BCR: variants seen among roughly 807,000 people sequenced by gnomAD.
The protein encoded by BCR is BCR activator of RhoGEF and GTPase, also known as breakpoint cluster region protein.
In BCR, 58 loss-of-function variants were observed where a neutral mutation model predicts 138.6. That is an observed-to-expected ratio of 0.42 (90% CI 0.34 to 0.52). BCR has a LOEUF of 0.52. Ranked by LOEUF, BCR falls within the 20% of genes least tolerant of loss-of-function variation. The pLI, the probability that BCR is intolerant of heterozygous loss-of-function variation, is 0.06. For missense variants in BCR, 1,599 were observed against 1,727.2 expected (o/e 0.93, Z 1.32); for synonymous variants, 786 against 730.1 (o/e 1.08, Z -1.23).
intron 4 of BCR, chr22:23,262,739 G>T: frequency 1.1e-6 from 1 of 877,698 alleles, no homozygotes; most frequent in South Asian, 5.1e-5. Context: ...GGGCGGAGAG[G>T]CGAAGAAGCT....
chr22:23,186,462 A>C (rs2072343479), intron 1 of BCR, among the ~76,000 whole-genome samples: 1 of 152,202 alleles, frequency 6.6e-6, no homozygotes, highest in Non-Finnish European at 1.5e-5. Context: ...GACTACATTC[A>C]CATTGTTGTA....
chr22:23,268,596 C>G, intron 5 of BCR, 81 bp downstream of exon 5: 3 of 1,212,430 alleles, frequency 2.5e-6, no homozygotes, highest in Non-Finnish European at 3.6e-6. Flanking sequence ...ACAGAGTGCA[C>G]CAGATCAAGA....
At chr22:23,213,909 G>A (rs76969696) in intron 1 of BCR, among the ~76,000 whole-genome samples, 1,724 of 152,076 alleles carry the variant, frequency 0.011, 33 homozygotes, top group African/African-American at 0.04. Context: ...GCAGAGATGC[G>A]AGATTCCACT....
intron 1 of BCR, among the ~76,000 whole-genome samples, chr22:23,241,980 C>A (rs1410500335): frequency 6.6e-6 from 1 of 152,184 alleles, no homozygotes; most frequent in Non-Finnish European, 1.5e-5. Context: ...CCCAGCTGTA[C>A]CCCCTTTCCC....
At chr22:23,192,913 C>G (rs1208609420) in intron 1 of BCR, among the ~76,000 whole-genome samples, 1 of 152,046 alleles carries the variant, frequency 6.6e-6, no homozygotes, top group East Asian at 1.9e-4. Context: ...AGGTGAGTGA[C>G]CAGGGAGCAC....
chr22:23,199,688 A>G (rs1201957414), intron 1 of BCR, among the ~76,000 whole-genome samples: 1 of 152,144 alleles, frequency 6.6e-6, no homozygotes, highest in East Asian at 1.9e-4. Flanking sequence ...ATCTGAAAGG[A>G]GAGGGGAAAA....
chr22:23,263,303 G>A, intron 4 of BCR: 1 of 1,153,376 alleles, frequency 8.7e-7, no homozygotes, highest in South Asian at 1.3e-5. Flanking sequence ...ACCGCTGGCT[G>A]TGGCACTTCA....
At chr22:23,295,676 C>T (rs1417729142) in intron 16 of BCR, among the ~76,000 whole-genome samples, 1 of 152,118 alleles carries the variant, frequency 6.6e-6, no homozygotes, top group African/African-American at 2.4e-5. Context: ...ATCTGGAAGC[C>T]CCCAGGTGAG....
Position 23,315,615 on chromosome 22 carries a change from C to G in BCR, c.*93C>G. ...AGAGCGGGAACCTTCCTGAGGTGTC[C>G]TTGGGCCACCCCCAAGTGTTGGGCC... is the stretch of plus-strand genomic sequence containing the variant. On this transcript the variant is annotated 3_prime_UTR_variant, in exon 23 of 23. Coordinates refer to ENST00000305877, the MANE Select transcript of BCR (RefSeq NM_004327.4). The G allele has an allele frequency of 1.7e-6, 2 of 1,189,236 alleles. No homozygotes were observed. The highest frequency in any genetic ancestry group is 2.5e-6 in the Non-Finnish European group (2 of 808,758). 73.7% of individuals were successfully genotyped at this position (1,189,236 alleles called of 1,614,324 possible).
At chr22:23,205,878 GT>G (rs2072606604) in intron 1 of BCR, among the ~76,000 whole-genome samples, 2 of 152,308 alleles carry the variant, frequency 1.3e-5, no homozygotes, top group South Asian at 4.1e-4. Context: ...GTGGGCTGCA[GT>G]TTGCCAACCT....
rs1230696228 is a variant in BCR, at chr22:23,261,450, C to T, written c.1662C>T (p.Tyr554=). The change falls in exon 4 of 23, where the codon TAC becomes TAT. Residue 554 remains tyrosine (Y), a synonymous_variant. Transcript: ENST00000305877. ...TCTTCTTCAAAGTGCCTGAGCTCTA[C>T]GAGATCCACAAGGAGTTCTATGATG... The part of the protein sequence containing the change: ...ETIFFKVPEL[Y]EIHKEFYDGL... 6.2e-6 allele frequency: 10 copies of T among 1,613,764 alleles called. No individual in the cohort carries two copies. The highest frequency in any genetic ancestry group is 2.7e-5 in the African/African-American group (2 of 74,886).
intron 1 of BCR, among the ~76,000 whole-genome samples, chr22:23,192,789 T>G (rs1417762606): frequency 6.6e-6 from 1 of 152,126 alleles, no homozygotes; most frequent in African/African-American, 2.4e-5. Context: ...AGTGGTCTGT[T>G]GTGCAGGTTC....
chr22:23,223,039 T>C (rs1891077441), intron 1 of BCR, among the ~76,000 whole-genome samples: 1 of 152,194 alleles, frequency 6.6e-6, no homozygotes, highest in Admixed American at 6.5e-5. Flanking sequence ...AAAGAAGCTC[T>C]CTTGGGCTTC....
intron 1 of BCR, among the ~76,000 whole-genome samples, chr22:23,200,024 C>T (rs2072533237): frequency 6.6e-6 from 1 of 151,214 alleles, no homozygotes; most frequent in South Asian, 2.1e-4. Flanking sequence ...GGAGGCAGAG[C>T]TTGCAGTGAG....
chr22:23,312,966 G>A lies in BCR; in HGVS notation c.3402G>A (p.Glu1134=), dbSNP rs534381311. ...GCACGCTGAAGCTGTACTTCCGTGA[G>A]CTGCCCGAGCCCCTCTTCACTGACG... is the stretch of plus-strand genomic sequence containing the variant. ...IAGTLKLYFR[E]LPEPLFTDEF... Residue 1134 remains glutamate (E), a synonymous_variant, in exon 20 of 23, where the codon GAG becomes GAA. Coordinates refer to ENST00000305877, the MANE Select transcript of BCR (RefSeq NM_004327.4). 781 of 1,592,392 alleles carry A rather than the reference G, an allele frequency of 4.9e-4. 8 individuals carry two copies. The highest frequency in any genetic ancestry group is 4.8e-5 in the Non-Finnish European group (56 of 1,175,620).
At chr22:23,270,441 G>GAC (rs1241778530) in intron 5 of BCR, among the ~76,000 whole-genome samples, 1 of 152,018 alleles carries the variant, frequency 6.6e-6, no homozygotes, top group East Asian at 1.9e-4. Context: ...ACTGTCCACG[G>GAC]ACACGTGGGC....
intron 1 of BCR, among the ~76,000 whole-genome samples, chr22:23,225,257 C>T (rs148885366): frequency 2.9e-3 from 447 of 151,632 alleles, no homozygotes; most frequent in African/African-American, 6.5e-3. Flanking sequence ...GACCCTAAGG[C>T]GCATGGACCA....
At chr22:23,301,982 C>T (rs2073906773) in intron 16 of BCR, among the ~76,000 whole-genome samples, 1 of 152,178 alleles carries the variant, frequency 6.6e-6, no homozygotes, top group Non-Finnish European at 1.5e-5. Flanking sequence ...CTGTGGGCAC[C>T]ACCACAGCTT....
At chr22:23,209,411 G>A (rs1056564653) in intron 1 of BCR, among the ~76,000 whole-genome samples, 1 of 152,102 alleles carries the variant, frequency 6.6e-6, no homozygotes, top group African/African-American at 2.4e-5. Context: ...TCCATTGGTA[G>A]ACACACATTT....
Sources: allele counts gnomAD v4.1 joint callset (sites outside exome capture counted in the v4.1 genomes callset), GRCh38; gene constraint gnomAD v4.1.1; transcripts MANE v1.5; gene names NCBI Gene and HGNC (gene_info 2026-07-23, HGNC 2026-07-21).